Variants in ATG7 observed in about 807,000 individuals in gnomAD.
ATG7 encodes autophagy related 7, also known as ubiquitin-like modifier-activating enzyme ATG7.
In ATG7, 70 loss-of-function variants were observed where a neutral mutation model predicts 82.4. That is an observed-to-expected ratio of 0.85 (90% CI 0.70 to 1.04). The LOEUF (loss-of-function observed/expected upper bound fraction) is 1.04. Among genes scored for constraint, ATG7 ranks in the 50% least tolerant of loss-of-function variants. The pLI is 0.00. For synonymous variants in ATG7, 287 were observed against 313.0 expected (o/e 0.92, Z 0.88); for missense variants, 792 against 864.3 (o/e 0.92, Z 1.05).
intron 20 of ATG7, among the ~76,000 whole-genome samples, chr3:11,528,775 G>A (rs766444972): frequency 4.2e-5 from 6 of 143,750 alleles, no homozygotes; most frequent in East Asian, 2.1e-4. Flanking sequence ...GCAGTGAGCC[G>A]AGATGGTGCC....
chr3:11,274,420 C>T (rs1211957245), intron 1 of ATG7, among the ~76,000 whole-genome samples: 1 of 152,060 alleles, frequency 6.6e-6, no homozygotes, highest in African/African-American at 2.4e-5. Context: ...GAGAAGGTTT[C>T]AGTGAGGAGG....
At chr3:11,520,327 A>C (rs2092408114) in intron 20 of ATG7, among the ~76,000 whole-genome samples, 1 of 152,230 alleles carries the variant, frequency 6.6e-6, no homozygotes, top group Non-Finnish European at 1.5e-5. Flanking sequence ...AATGTCCGAA[A>C]GGCCATTCTC....
intron 18 of ATG7, among the ~76,000 whole-genome samples, chr3:11,370,430 T>C (rs1485289673): frequency 6.6e-6 from 1 of 151,266 alleles, no homozygotes; most frequent in African/African-American, 2.4e-5. Context: ...TTGCAATTGC[T>C]ACACTCTCCA....
intron 19 of ATG7, among the ~76,000 whole-genome samples, chr3:11,398,273 T>C (rs542378975): frequency 6.6e-6 from 1 of 152,252 alleles, no homozygotes; most frequent in South Asian, 2.1e-4. Flanking sequence ...GAAATACATA[T>C]TCTTTTCAAG....
At chr3:11,313,465 G>T (rs184338612) in intron 8 of ATG7, 45 bp downstream of exon 8, 107 of 1,394,616 alleles carry the variant, frequency 7.7e-5, no homozygotes, top group Non-Finnish European at 1.0e-4. Flanking sequence ...GGTTGAATGT[G>T]CAAGAGTAGT....
chr3:11,387,697 G>A (rs970205312), intron 19 of ATG7, among the ~76,000 whole-genome samples: 2 of 152,198 alleles, frequency 1.3e-5, no homozygotes, highest in Non-Finnish European at 1.5e-5. Context: ...CCAGCTGGGC[G>A]TGGTGGCGCA....
chr3:11,565,556 T>G, the ATG7 span, among the ~76,000 whole-genome samples: 5 of 151,942 alleles, frequency 3.3e-5, no homozygotes, highest in African/African-American at 1.2e-4. This position sits in a 1 kb window ranked among gnomAD's most constrained non-coding sequence, Gnocchi z 4.1. Context: ...ACCCCAAGAC[T>G]CAAGAGTGGT....
intron 1 of ATG7, among the ~76,000 whole-genome samples, chr3:11,280,646 T>G (rs1055251662): frequency 6.6e-6 from 1 of 152,248 alleles, no homozygotes; most frequent in Non-Finnish European, 1.5e-5. Flanking sequence ...TGAATTTTAG[T>G]CACTTGTATT....
Position 11,315,364 on chromosome 3 carries a change from A to T in ATG7, c.549A>T (p.Ala183=), listed in dbSNP as rs376661099. 1 of 1,605,736 alleles carries T rather than the reference A, an allele frequency of 6.2e-7. No homozygotes were observed. ...TTCAGATTGAAGCACTAGAGTGTGCATATGATAATCTTTGTCAAACAGAAG... is the reference window on the plus strand; with the variant it reads ...TTCAGATTGAAGCACTAGAGTGTGCTTATGATAATCTTTGTCAAACAGAAG... ...SLKQIEALEC[A]YDNLCQTEGV... is the part of the protein sequence containing the mutation. Residue 183 remains alanine (A), a synonymous_variant, in exon 9 of 21, where the codon GCA becomes GCT. Transcript: ENST00000693202.
chr3:11,573,828 T>C, the ATG7 span, among the ~76,000 whole-genome samples: 1 of 152,204 alleles, frequency 6.6e-6, no homozygotes, highest in South Asian at 2.1e-4. Context: ...GTTCTCTGAA[T>C]GTGAGCTTAT....
intron 20 of ATG7, among the ~76,000 whole-genome samples, chr3:11,528,187 G>T (rs1329356974): frequency 1.3e-5 from 2 of 152,194 alleles, no homozygotes; most frequent in Non-Finnish European, 2.9e-5. Flanking sequence ...AAGGTTTTCT[G>T]CACTGAATCT....
intron 20 of ATG7, chr3:11,477,165 A>AG (rs1372219411): frequency 2.3e-6 from 3 of 1,289,808 alleles, no homozygotes; most frequent in Non-Finnish European, 3.0e-6. Flanking sequence ...TGGATGAAGC[A>AG]GGAGAGGCAG....
chr3:11,448,983 C>T (rs541276861), intron 20 of ATG7, among the ~76,000 whole-genome samples: 285 of 152,298 alleles, frequency 1.9e-3, no homozygotes, highest in African/African-American at 6.5e-3. Context: ...AAAAATGTCA[C>T]ACAAAGTCTG....
chr3:11,324,337 TAAGA>T (rs1439767536), intron 9 of ATG7, among the ~76,000 whole-genome samples: 2 of 152,182 alleles, frequency 1.3e-5, no homozygotes, highest in African/African-American at 4.8e-5. Context: ...CTCCAATGAT[TAAGA>T]TAGATTCTGA....
At chr3:11,359,982 T>C (rs2076185128) in intron 15 of ATG7, among the ~76,000 whole-genome samples, 1 of 152,236 alleles carries the variant, frequency 6.6e-6, no homozygotes, top group South Asian at 2.1e-4. Flanking sequence ...GTTATAGAAC[T>C]AACTTCTCTG....
intron 3 of ATG7, chr3:11,288,686 G>A (rs1429650921): frequency 6.6e-6 from 1 of 152,128 alleles, no homozygotes; most frequent in Non-Finnish European, 1.5e-5. Flanking sequence ...CATTTCCTGT[G>A]GGGATTTGAT....
At chr3:11,445,426 G>A (rs560196853) in intron 20 of ATG7, among the ~76,000 whole-genome samples, 13 of 152,254 alleles carry the variant, frequency 8.5e-5, no homozygotes, top group East Asian at 3.9e-4. Flanking sequence ...CAAACTCATC[G>A]AGGAGCAGAA....
At chr3:11,378,318 A>T (rs1000750651) in intron 18 of ATG7, among the ~76,000 whole-genome samples, 3 of 150,938 alleles carry the variant, frequency 2.0e-5, no homozygotes, top group Admixed American at 2.0e-4. Flanking sequence ...TGCCCTGCCA[A>T]ATTTTTAAAA....
intron 20 of ATG7, among the ~76,000 whole-genome samples, chr3:11,504,285 G>C (rs937520050): frequency 1.2e-4 from 18 of 152,196 alleles, no homozygotes; most frequent in Admixed American, 7.9e-4. Context: ...TAATCTACAA[G>C]TCTGTATCAA....
Sources: allele counts gnomAD v4.1 joint callset (sites outside exome capture counted in the v4.1 genomes callset), GRCh38; gene constraint gnomAD v4.1.1; non-coding constraint Gnocchi (gnomAD v3.1); transcripts MANE v1.5; gene names NCBI Gene and HGNC (gene_info 2026-07-23, HGNC 2026-07-21).